NCF1: variants seen among roughly 807,000 people sequenced by gnomAD.
NCF1 encodes the protein neutrophil cytosolic factor 1.
Under a neutral mutation model 34.9 loss-of-function variants are expected in NCF1, and 8 were observed. That is an observed-to-expected ratio of 0.23 (90% confidence interval 0.13 to 0.41). The LOEUF (loss-of-function observed/expected upper bound fraction) is 0.41, where lower values mean the gene tolerates loss of function less well. NCF1 is among the 10% of genes least tolerant of loss of function. NCF1 has a pLI of 1.00. For missense variants in NCF1, 122 were observed against 362.4 expected, an observed-to-expected ratio of 0.34 and a Z score of 5.39; for synonymous variants, 57 against 146.3, an observed-to-expected ratio of 0.39 and a Z score of 4.41.
chr7:74,778,867 G>T (rs1796526243), intron 2 of NCF1, among the ~76,000 whole-genome samples: 1 of 133,640 alleles, frequency 7.5e-6, no homozygotes. Context: ...TAGAGACGGG[G>T]TTTCACCACG....
At position 74,788,607 on chromosome 7, in the gene NCF1, C is replaced by T. The variant is rs1327006339; in HGVS notation, c.954C>T (p.Arg318=). 5 of 1,552,552 alleles carry T rather than the reference C, an allele frequency of 3.2e-6. No individual in the cohort carries two copies. Among genetic ancestry groups the T allele is most frequent in the Non-Finnish European group, 1.7e-6 (2 of 1,151,556 alleles). ...GCATCCACCAGCGGTCGCGGAAGCGCCTCAGCCAGGACGCCTATCGCCGCA... is the reference window on the plus strand; with the variant it reads ...GCATCCACCAGCGGTCGCGGAAGCGTCTCAGCCAGGACGCCTATCGCCGCA... ...AHSIHQRSRK[R]LSQDAYRRNS... is the part of the protein sequence containing the mutation. The change falls in exon 10 of 11, where the codon CGC becomes CGT. Residue 318 remains arginine (R), a synonymous_variant. Transcript: ENST00000289473.
chr7:74,777,688 A>C (rs1168649918), intron 2 of NCF1: 1 of 335,338 alleles, frequency 3.0e-6, no homozygotes, highest in Non-Finnish European at 5.9e-6. Flanking sequence ...CCTCCTGAGT[A>C]GCTGGGACTA....
rs587767903 is a variant in NCF1, at chr7:74,787,595, G to A, written c.801-389G>A. ...CTTCTTTTTTCTTTACTTTTTTCGG[G>A]AGGTAGAGATAGGGGTCTTGCTATG... On this transcript the variant is annotated intron_variant, in intron 8 of 10. Transcript: ENST00000289473. 2.1e-4 allele frequency among the ~76,000 whole-genome samples: 32 copies of A among 151,912 alleles called. 1 individual carries two copies. Among genetic ancestry groups the A allele is most frequent in the African/African-American group, 7.0e-4 (29 of 41,414 alleles).
chr7:74,785,582 T>C lies in NCF1; in HGVS notation c.800+283T>C, dbSNP rs868956107. ...TCTCTGGCAACATGGTGAACTGTTG[T>C]ATAAATAATTACATTCCTAGCTAGG... On this transcript the variant is annotated intron_variant, in intron 8 of 10. Transcript: ENST00000289473. The C allele has an allele frequency of 3.0e-4, 109 of 365,202 alleles. 2 individuals are homozygous for C. Among genetic ancestry groups the C allele is most frequent in the South Asian group, 2.3e-3 (108 of 47,660 alleles). The allele number at this position is 365,202 out of a possible 1,614,324, so 22.6% of individuals were successfully genotyped here. A position where few individuals can be genotyped will look rare whatever the true frequency, so the allele number is the denominator to read the frequency against.
At chr7:74,782,432 C>CAAAAAA (rs1191148986) in intron 5 of NCF1, among the ~76,000 whole-genome samples, 1 of 33,034 alleles carries the variant, frequency 3.0e-5, no homozygotes, top group Non-Finnish European at 5.0e-5. Flanking sequence ...GACTCCATCT[C>CAAAAAA]AAAAAAAAAA....
At position 74,777,330 on chromosome 7, in the gene NCF1, G is replaced by A. The variant is rs1554413145; in HGVS notation, c.136G>A (p.Glu46Lys). Residue 46 changes from glutamate to lysine, a missense_variant, in exon 2 of 11, where the codon GAG (glutamate) becomes AAG (lysine). Glu to Lys is a moderately conservative substitution (Grantham distance 56). Around this residue, in one of 9 missense-constraint regions of NCF1, gnomAD observed 12 missense variants for 30.0 expected, o/e 0.40. Coordinates refer to ENST00000289473, the MANE Select transcript of NCF1 (RefSeq NM_000265.7). ...GAAGGTGGTCTACCGGCGCTTCACC[G>A]AGATCTACGAGTTCCATGTGAGTGT... ...SEKVVYRRFT[E>K]IYEFHKTLKE... 4.4e-6 allele frequency: 7 copies of A among 1,593,358 alleles called. No homozygotes were observed. Among genetic ancestry groups the A allele is most frequent in the South Asian group, 1.1e-5 (1 of 89,142 alleles).
At position 74,783,283 on chromosome 7, in the gene NCF1, G is replaced by A. The variant is rs782109262; in HGVS notation, c.574+222G>A. On this transcript the variant is annotated intron_variant, in intron 6 of 10. Transcript: ENST00000289473. Reference sequence around the variant, plus strand: ...GCAGGCCGGGGCGGGGCATGTCTGCGTGTTCTGTCTGGATGGGTATGGGAC... The same window carrying A: ...GCAGGCCGGGGCGGGGCATGTCTGCATGTTCTGTCTGGATGGGTATGGGAC... 71 of 788,738 alleles carry A rather than the reference G, an allele frequency of 9.0e-5. No individual in the cohort carries two copies. The East Asian group carries it at 9.3e-4, about 10-fold the overall frequency. 48.9% of individuals were successfully genotyped at this position (788,738 alleles called of 1,614,324 possible). A position where few individuals can be genotyped will look rare whatever the true frequency, so the allele number is the denominator to read the frequency against.
intron 5 of NCF1, among the ~76,000 whole-genome samples, chr7:74,782,608 C>T (rs587700704): frequency 3.3e-5 from 5 of 151,460 alleles, no homozygotes; most frequent in East Asian, 1.9e-4. Context: ...TGGTGGCATA[C>T]GTCTATGGTC....
At position 74,783,645 on chromosome 7, in the gene NCF1, C is replaced by G; in HGVS notation, c.682+13C>G. 6.2e-7 allele frequency: 1 copy of G among 1,608,662 alleles called. No homozygotes were observed. The highest frequency in any genetic ancestry group is 1.1e-5 in the South Asian group (1 of 90,546). On this transcript the variant is annotated intron_variant, in intron 7 of 10. Coordinates refer to ENST00000289473, the MANE Select transcript of NCF1 (RefSeq NM_000265.7). ...CCCAACTATGCAGGTGCCCCCTGCC[C>G]TCCGAGGCTGTAGGGGTGTGGGAGA...
rs1238530403 is a variant in NCF1 at position 74,788,702 on chromosome 7, T to C, written c.1049T>C (p.Leu350Pro). The C allele has an allele frequency of 6.5e-7, 1 of 1,549,488 alleles. No homozygotes were observed. The highest frequency in any genetic ancestry group is 2.4e-5 in the East Asian group (1 of 42,036). ...GGACCGCAGAGCCCCGGGAGCCCGCTCGGTGAGTGCAGCGGGAGAGGGCAG... is the reference window on the plus strand; with the variant it reads ...GGACCGCAGAGCCCCGGGAGCCCGCCCGGTGAGTGCAGCGGGAGAGGGCAG... ...RPGPQSPGSP[L>P]EEERQTQRSK... Residue 350 changes from leucine to proline, a missense_variant and splice_region_variant, in exon 10 of 11, where the codon CTC (leucine) becomes CCC (proline). Transcript: ENST00000289473.
intron 7 of NCF1, among the ~76,000 whole-genome samples, chr7:74,783,925 A>C (rs1464335147): frequency 6.6e-6 from 1 of 151,396 alleles, no homozygotes; most frequent in Non-Finnish European, 1.5e-5. Flanking sequence ...TAGGCTCAGG[A>C]AGGAGGGCTG....
At chr7:74,777,568 G>A (rs1796497102) in intron 2 of NCF1, 2 of 511,752 alleles carry the variant, frequency 3.9e-6, no homozygotes, top group Non-Finnish European at 7.1e-6. Context: ...GAGCCCCCAC[G>A]CTCGGCCTTT....
intron 5 of NCF1, among the ~76,000 whole-genome samples, chr7:74,781,874 G>A (rs1796574801): frequency 1.4e-5 from 2 of 146,912 alleles, no homozygotes; most frequent in Admixed American, 1.4e-4. Context: ...TTGGGTTAGG[G>A]CCCACTCTAC....
chr7:74,777,310 TG>T lies in NCF1; in HGVS notation c.118del (p.Val40SerfsTer15). The T allele has an allele frequency of 6.2e-7, 1 of 1,604,730 alleles. No individual in the cohort carries two copies. Among genetic ancestry groups the T allele is most frequent in the Non-Finnish European group, 8.5e-7 (1 of 1,176,280 alleles). On this transcript the variant is annotated frameshift_variant, in exon 2 of 11. Coordinates refer to ENST00000289473, the MANE Select transcript of NCF1 (RefSeq NM_000265.7). LOFTEE classifies it high-confidence loss of function. ...AAATGGCAGGACCTGTCGGAGAAGG[TG>T]GTCTACCGGCGCTTCACCGAGATCT... ...LVKWQDLSEKVVYRRFTEIYE... is the reference protein window; with the variant it reads ...LVKWQDLSEKXVYRRFTEIYE...
chr7:74,783,603 A>G lies in NCF1; in HGVS notation c.653A>G (p.Glu218Gly). 1 of 1,611,610 alleles carries G rather than the reference A, an allele frequency of 6.2e-7. No homozygotes were observed. The highest frequency in any genetic ancestry group is 8.5e-7 in the Non-Finnish European group (1 of 1,179,696). The change falls in exon 7 of 11, where the codon GAG becomes GGG. Residue 218 changes from glutamate to glycine, a missense_variant. Transcript: ENST00000289473. Reference sequence around the variant, plus strand: ...CTCGAGCCCCTGGACAGTCCTGACGAGACGGAAGACCCTGAGCCCAACTAT... The same window carrying G: ...CTCGAGCCCCTGGACAGTCCTGACGGGACGGAAGACCCTGAGCCCAACTAT... ...SFLEPLDSPD[E>G]TEDPEPNYAG...
At position 74,783,650 on chromosome 7, in the gene NCF1, AGGCTGTAGGGGTGTG is replaced by A; in HGVS notation, c.682+21_682+35del. 6.2e-7 allele frequency: 1 copy of A among 1,606,578 alleles called. No individual in the cohort carries two copies. Among genetic ancestry groups the A allele is most frequent in the Non-Finnish European group, 8.5e-7 (1 of 1,176,808 alleles). On this transcript the variant is annotated intron_variant, in intron 7 of 10. Coordinates refer to ENST00000289473, the MANE Select transcript of NCF1 (RefSeq NM_000265.7). ...CTATGCAGGTGCCCCCTGCCCTCCG[AGGCTGTAGGGGTGTG>A]GGAGAAAGGGGCAGGCAGGGCTCAG... is the stretch of plus-strand genomic sequence containing the variant.
At chr7:74,787,566 A>C (rs782684474) in intron 8 of NCF1, among the ~76,000 whole-genome samples, 5 of 152,064 alleles carry the variant, frequency 3.3e-5, no homozygotes, top group Non-Finnish European at 5.9e-5. Context: ...TAATCCGCCA[A>C]TGTCTTCTTT....
chr7:74,779,301 G>A lies in NCF1; in HGVS notation c.274G>A (p.Gly92Ser), dbSNP rs1554413460. The change falls in exon 4 of 11, where the codon GGC (glycine) becomes AGC (serine). Residue 92 changes from glycine (G) to serine (S), a missense_variant. By Grantham distance (56) the Gly-to-Ser change is moderately conservative. Transcript: ENST00000289473. Reference protein sequence around the residue: ...DGQRAAENRQGTLTEYCSTLM... With the variant: ...DGQRAAENRQSTLTEYCSTLM... ...GCAGCGGGCCGCCGAGAACCGCCAG[G>A]GCACACTTACCGAGTACTGCAGCAC... The A allele has an allele frequency of 6.2e-7, 1 of 1,608,920 alleles. No individual in the cohort carries two copies. Among genetic ancestry groups the A allele is most frequent in the South Asian group, 1.1e-5 (1 of 90,500 alleles).
At chr7:74,783,490 T>C in intron 6 of NCF1, 35 bp from the exon 7 acceptor site, 1 of 1,603,116 alleles carries the variant, frequency 6.2e-7, no homozygotes, top group East Asian at 2.3e-5. Context: ...CGCTGGGCCC[T>C]GCCCCTCAGT....
Sources: allele counts gnomAD v4.1 joint callset (sites outside exome capture counted in the v4.1 genomes callset), GRCh38; gene constraint gnomAD v4.1.1; regional missense constraint gnomAD v4.1.1; transcripts MANE v1.5; gene names NCBI Gene and HGNC (gene_info 2026-07-23, HGNC 2026-07-21).